The following EIF2AK4 variants were observed in gnomAD, a reference collection of about 807,000 sequenced individuals.
EIF2AK4 encodes eIF-2-alpha kinase GCN2.
A neutral mutation model predicts 211.1 loss-of-function variants in EIF2AK4; 139 were observed. That is an observed-to-expected ratio of 0.66 (90% CI 0.57 to 0.76). The LOEUF (loss-of-function observed/expected upper bound fraction) is 0.76, where lower values mean the gene tolerates loss of function less well. Among genes scored for constraint, EIF2AK4 ranks in the 30% least tolerant of loss-of-function variants. The pLI is 0.00. For synonymous variants in EIF2AK4, 710 were observed against 751.3 expected, an observed-to-expected ratio of 0.94 and a Z score of 0.90; for missense variants, 1,664 against 2,043.8, an observed-to-expected ratio of 0.81 and a Z score of 3.58.
At chr15:39,978,255 G>A in intron 13 of EIF2AK4, 108 bp downstream of exon 13, 1 of 506,668 alleles carries the variant, frequency 2.0e-6, no homozygotes, top group Non-Finnish European at 3.3e-6. Flanking sequence ...TTCAGATATA[G>A]AAACCATAAA....
At chr15:39,951,376 G>GCT (rs1366358938) in intron 4 of EIF2AK4, 2 of 244,146 alleles carry the variant, frequency 8.2e-6, no homozygotes, top group African/African-American at 4.7e-5. Flanking sequence ...TCTTAAGCAC[G>GCT]CTCTCCATGT....
chr15:40,022,706 C>A, intron 32 of EIF2AK4, 101 bp downstream of exon 32: 1 of 974,430 alleles, frequency 1.0e-6, no homozygotes, highest in Non-Finnish European at 1.6e-6. Context: ...ACTGGAAATC[C>A]GTTCCCTCTA....
In EIF2AK4 at chr15:40,017,243, G is replaced by A. The variant is rs776140816; in HGVS notation, c.4065+1G>A. 1 of 1,609,888 alleles carries A rather than the reference G, an allele frequency of 6.2e-7. No individual in the cohort carries two copies. Among genetic ancestry groups the A allele is most frequent in the Admixed American group, 1.7e-5 (1 of 59,958 alleles). On this transcript the variant is annotated splice_donor_variant, in intron 29 of 38. Transcript: ENST00000263791. LOFTEE classifies it high-confidence loss of function. ...AGCTGGAGGCAGATATGACCTGCTGGTGAGGGCTTGCCCTTTATTTATTTG... is the reference window on the plus strand; with the variant it reads ...AGCTGGAGGCAGATATGACCTGCTGATGAGGGCTTGCCCTTTATTTATTTG...
intron 20 of EIF2AK4, 48 bp downstream of exon 20, chr15:39,998,832 A>G (rs1426487483): frequency 1.7e-5 from 25 of 1,469,136 alleles, no homozygotes; most frequent in Non-Finnish European, 2.2e-5. Flanking sequence ...TTGCATTTTA[A>G]TTATTATTTT....
intron 18 of EIF2AK4, among the ~76,000 whole-genome samples, chr15:39,993,174 A>G (rs967836838): frequency 3.4e-5 from 5 of 144,974 alleles, no homozygotes; most frequent in Non-Finnish European, 7.5e-5. Flanking sequence ...CCATCCACCC[A>G]TCCATCCACT....
In EIF2AK4 at chr15:39,939,604, A is replaced by G. The variant is rs2034116452; in HGVS notation, c.244A>G (p.Thr82Ala). Reference sequence around the variant, plus strand: ...GGATTTGAGGGTTAAATGCCCACCTACCTATCCAGATGTGTGAGTACATTT... The same window carrying G: ...GGATTTGAGGGTTAAATGCCCACCTGCCTATCCAGATGTGTGAGTACATTT... The part of the protein sequence containing the change: ...KVDLRVKCPP[T>A]YPDVVPEIEL... Residue 82 changes from threonine to alanine, a missense_variant, in exon 2 of 39, where the codon ACC becomes GCC. By Grantham distance (58) the Thr-to-Ala change is moderately conservative. This residue lies in a region of EIF2AK4 where 641 missense variants were observed against 729.6 expected (regional missense o/e 0.88). Coordinates refer to ENST00000263791, the MANE Select transcript of EIF2AK4 (RefSeq NM_001013703.4). 1.2e-6 allele frequency: 2 copies of G among 1,610,312 alleles called. No individual in the cohort carries two copies. The highest frequency in any genetic ancestry group is 1.7e-6 in the Non-Finnish European group (2 of 1,177,626).
intron 21 of EIF2AK4, 102 bp from the exon 22 acceptor site, chr15:40,002,611 G>A: frequency 8.1e-7 from 1 of 1,235,502 alleles, no homozygotes; most frequent in Non-Finnish European, 1.2e-6. Flanking sequence ...TTTTGAACCT[G>A]GAAATAAGCA....
At chr15:39,962,412 G>T (rs518802) in intron 7 of EIF2AK4, among the ~76,000 whole-genome samples, 139,050 of 152,292 alleles carry the variant, frequency 0.91, 63,909 homozygotes, top group Middle Eastern at 0.97. Context: ...ATCATATACA[G>T]CTAATGCTGA....
At chr15:39,984,226 C>T (rs150083715) in intron 13 of EIF2AK4, among the ~76,000 whole-genome samples, 223 of 152,290 alleles carry the variant, frequency 1.5e-3, no homozygotes, top group African/African-American at 5.1e-3. Flanking sequence ...TGTTTTAGTA[C>T]CAGTACCAAG....
rs758978249 is a variant in EIF2AK4, at chr15:40,020,985, G to A, written c.4260G>A (p.Trp1420Ter). Reference sequence around the variant, plus strand: ...CCATCAACCTAACCCAGAAACTCTGGACAGCAGGCATCACAGCAGAAATCA... The same window carrying A: ...CCATCAACCTAACCCAGAAACTCTGAACAGCAGGCATCACAGCAGAAATCA... ...SRAINLTQKL[W>*]TAGITAEIMY... Residue 1420 changes from tryptophan to a stop codon, truncating the protein, a stop_gained, in exon 31 of 39, where the codon TGG becomes TGA. Coordinates refer to ENST00000263791, the MANE Select transcript of EIF2AK4 (RefSeq NM_001013703.4). LOFTEE classifies it high-confidence loss of function. The A allele has an allele frequency of 1.9e-6, 3 of 1,613,818 alleles. No individual in the cohort carries two copies. The highest frequency in any genetic ancestry group is 2.5e-6 in the Non-Finnish European group (3 of 1,179,886).
At chr15:39,938,583 A>G (rs996605182) in intron 1 of EIF2AK4, among the ~76,000 whole-genome samples, 9 of 152,188 alleles carry the variant, frequency 5.9e-5, no homozygotes, top group Admixed American at 5.2e-4. Context: ...GCCTGCCAGG[A>G]CATTCAGAGA....
At chr15:39,955,513 A>T in intron 5 of EIF2AK4, 107 bp from the exon 6 acceptor site, 1 of 1,117,156 alleles carries the variant, frequency 9.0e-7, no homozygotes, top group Non-Finnish European at 1.3e-6. Context: ...TCACTTGTAA[A>T]CATTCAGCTT....
At chr15:39,995,258 GT>G (rs58999719) in intron 18 of EIF2AK4, among the ~76,000 whole-genome samples, 2 of 152,248 alleles carry the variant, frequency 1.3e-5, no homozygotes, top group Non-Finnish European at 2.9e-5. Context: ...TTTGTTCTAT[GT>G]TTTCTATAGC....
chr15:40,010,165 G>T (rs2035216348), intron 26 of EIF2AK4, among the ~76,000 whole-genome samples: 1 of 152,204 alleles, frequency 6.6e-6, no homozygotes, highest in Non-Finnish European at 1.5e-5. Flanking sequence ...GAGCTCCTCT[G>T]ATGGATGAAC....
intron 11 of EIF2AK4, 44 bp downstream of exon 11, chr15:39,973,793 C>A: frequency 6.2e-7 from 1 of 1,602,630 alleles, no homozygotes; most frequent in South Asian, 1.1e-5. Context: ...AGCTCCTTCT[C>A]TGTTCCATTT....
At chr15:39,951,525 C>G in intron 4 of EIF2AK4, 1 of 370,380 alleles carries the variant, frequency 2.7e-6, no homozygotes, top group Non-Finnish European at 5.2e-6. Context: ...TAGCTGCACT[C>G]TGGAAGCACA....
chr15:39,986,888 AAG>A (rs2034873959), intron 14 of EIF2AK4, among the ~76,000 whole-genome samples: 4 of 152,098 alleles, frequency 2.6e-5, no homozygotes, highest in Admixed American at 2.6e-4. Context: ...AACAAAAACA[AAG>A]AAGTCTTTCC....
At chr15:39,969,255 G>A (rs1237384932) in intron 9 of EIF2AK4, among the ~76,000 whole-genome samples, 1 of 151,710 alleles carries the variant, frequency 6.6e-6, no homozygotes, top group African/African-American at 2.4e-5. Context: ...CCGTTTAGTA[G>A]CAAAATGAAT....
chr15:39,961,872 C>T lies in EIF2AK4; in HGVS notation c.832C>T (p.Leu278Phe), dbSNP rs376181147. ...TTTCAATATGGGGAGTCCTGATCAG[C>T]TCATGGTGCACAAAGGGAAATGTAT... ...LYFNMGSPDQ[L>F]MVHKGKCIGS... The change falls in exon 7 of 39, where the codon CTC (leucine) becomes TTC (phenylalanine). Residue 278 changes from leucine (L) to phenylalanine (F), a missense_variant. Physicochemically the swap from Leu to Phe is conservative, Grantham distance 22. Around this residue, in one of 7 missense-constraint regions of EIF2AK4, gnomAD observed 641 missense variants for 729.6 expected, o/e 0.88. Coordinates refer to ENST00000263791, the MANE Select transcript of EIF2AK4 (RefSeq NM_001013703.4). The T allele has an allele frequency of 1.9e-5, 31 of 1,613,776 alleles. No homozygotes were observed. The highest frequency in any genetic ancestry group is 9.3e-5 in the African/African-American group (7 of 74,884).
Sources: gnomAD v4.1 joint callset for allele counts (sites outside exome capture counted in the v4.1 genomes callset) on GRCh38, gnomAD v4.1.1 for gene constraint, gnomAD v4.1.1 regional missense constraint, MANE v1.5 for transcripts, NCBI Gene and HGNC (gene_info 2026-07-23, HGNC 2026-07-21) for gene names.